FBN2: variants seen among roughly 807,000 people sequenced by gnomAD.
FBN2 encodes fibrillin-2.
In FBN2, 105 loss-of-function variants were observed where a neutral mutation model predicts 355.6. The observed-to-expected ratio is 0.30, with a 90% CI of 0.25 to 0.35. FBN2 has a LOEUF of 0.35. FBN2 is among the 10% of genes least tolerant of loss of function. The pLI is 1.00. For synonymous variants in FBN2, 1,350 were observed against 1,301.2 expected (o/e 1.04, Z -0.81); for missense variants, 3,280 against 3,758.7 (o/e 0.87, Z 3.33).
At chr5:128,291,506 A>T in intron 49 of FBN2, 23 bp downstream of exon 49, 1 of 1,613,444 alleles carries the variant, frequency 6.2e-7, no homozygotes, top group Non-Finnish European at 8.5e-7. Context: ...GAACTGTGAC[A>T]GTGAAGTCAT....
At chr5:128,263,966 C>T (rs1765051078) in intron 62 of FBN2, among the ~76,000 whole-genome samples, 1 of 152,072 alleles carries the variant, frequency 6.6e-6, no homozygotes, top group Admixed American at 6.6e-5. Flanking sequence ...AAGGTTACTT[C>T]AAAAGCTTAT....
intron 14 of FBN2, among the ~76,000 whole-genome samples, chr5:128,376,527 T>C (rs906870810): frequency 6.6e-6 from 1 of 152,244 alleles, no homozygotes; most frequent in Non-Finnish European, 1.5e-5. Flanking sequence ...TATACCATTA[T>C]TATTTTTGTT....
At chr5:128,318,580 A>G (rs1750276517) in intron 35 of FBN2, among the ~76,000 whole-genome samples, 1 of 150,540 alleles carries the variant, frequency 6.6e-6, no homozygotes, top group Non-Finnish European at 1.5e-5. Context: ...ATATACATGT[A>G]TATATATATA....
At chr5:128,323,508 C>T (rs1229677416) in intron 34 of FBN2, among the ~76,000 whole-genome samples, 2 of 152,072 alleles carry the variant, frequency 1.3e-5, no homozygotes, top group Non-Finnish European at 2.9e-5. Flanking sequence ...TTATCAAAGG[C>T]CTAGTTTTAT....
intron 20 of FBN2, among the ~76,000 whole-genome samples, chr5:128,354,589 G>T (rs907179661): frequency 7.2e-5 from 11 of 152,174 alleles, no homozygotes; most frequent in African/African-American, 2.7e-4. Flanking sequence ...AGAAATGATG[G>T]TGACTTGGAT....
chr5:128,340,130 A>C (rs26378), intron 25 of FBN2, among the ~76,000 whole-genome samples: 31,833 of 152,172 alleles, frequency 0.21, 3,420 homozygotes, highest in African/African-American at 0.24. Context: ...AATATGTTTA[A>C]GAAAACATGA....
chr5:128,390,242 T>A (rs890227964), intron 11 of FBN2, among the ~76,000 whole-genome samples: 1 of 152,230 alleles, frequency 6.6e-6, no homozygotes, highest in East Asian at 1.9e-4. Flanking sequence ...TTTTTGTATA[T>A]GACCTACAAG....
chr5:128,376,106 C>T (rs1581249913), intron 14 of FBN2, among the ~76,000 whole-genome samples: 1 of 152,000 alleles, frequency 6.6e-6, no homozygotes, highest in African/African-American at 2.4e-5. Context: ...TGTATTATTC[C>T]ACTTTATTAA....
chr5:128,282,101 A>C (rs1765564947), intron 55 of FBN2, among the ~76,000 whole-genome samples: 1 of 152,274 alleles, frequency 6.6e-6, no homozygotes, highest in African/African-American at 2.4e-5. Context: ...ATTTTCCCTT[A>C]GAATGCTTTC....
chr5:128,427,836 C>T (rs887943826), intron 7 of FBN2, among the ~76,000 whole-genome samples: 3 of 152,114 alleles, frequency 2.0e-5, no homozygotes, highest in African/African-American at 7.2e-5. Flanking sequence ...CAATAAATGC[C>T]TCATTTTCTT....
intron 15 of FBN2, among the ~76,000 whole-genome samples, chr5:128,373,515 A>T (rs181270275): frequency 8.9e-4 from 136 of 152,278 alleles, no homozygotes; most frequent in Non-Finnish European, 1.6e-3. Flanking sequence ...TGATTCTCAT[A>T]GGTAGGAGTA....
At chr5:128,304,480 T>C (rs967967918) in intron 45 of FBN2, among the ~76,000 whole-genome samples, 11 of 152,218 alleles carry the variant, frequency 7.2e-5, no homozygotes, top group African/African-American at 2.2e-4. Context: ...ACACAAAATA[T>C]GTACATAAAT....
At chr5:128,338,540 G>T (rs1412409549) in intron 26 of FBN2, among the ~76,000 whole-genome samples, 1 of 152,136 alleles carries the variant, frequency 6.6e-6, no homozygotes, top group African/African-American at 2.4e-5. Flanking sequence ...TGGGCTAAAA[G>T]GTTGGGAATA....
chr5:128,498,483 T>G (rs1755715029), intron 5 of FBN2, among the ~76,000 whole-genome samples: 1 of 152,192 alleles, frequency 6.6e-6, no homozygotes, highest in African/African-American at 2.4e-5. Context: ...AAAATGGACC[T>G]TGGTATTCCC....
intron 7 of FBN2, among the ~76,000 whole-genome samples, chr5:128,413,864 C>A (rs1315803690): frequency 6.6e-6 from 1 of 152,108 alleles, no homozygotes; most frequent in Non-Finnish European, 1.5e-5. Flanking sequence ...TGTATAATAT[C>A]TTTTTGATAT....
intron 27 of FBN2, 48 bp from the exon 28 acceptor site, chr5:128,336,161 A>C: frequency 1.9e-6 from 3 of 1,599,322 alleles, no homozygotes; most frequent in Non-Finnish European, 2.6e-6. Flanking sequence ...TCCACTCACT[A>C]AAGCCATCAG....
In FBN2 at chr5:128,350,995, C is replaced by CT; in HGVS notation, c.2684dup (p.Thr897AspfsTer12). The CT allele has an allele frequency of 6.2e-7, 1 of 1,614,182 alleles. No individual in the cohort carries two copies. Among genetic ancestry groups the CT allele is most frequent in the Non-Finnish European group, 8.5e-7 (1 of 1,180,020 alleles). Reference sequence around the variant, plus strand: ...CCTGGATGTTGAGCCAACAGGTCCCCTTCAGGCTGTCTGAAAAGGAACAGG... The same window carrying CT: ...CCTGGATGTTGAGCCAACAGGTCCCCTTTCAGGCTGTCTGAAAAGGAACAGG... On this transcript the variant is annotated frameshift_variant, in exon 21 of 65. Transcript: ENST00000262464. LOFTEE classifies it high-confidence loss of function.
chr5:128,504,250 A>G (rs534905093), intron 5 of FBN2, among the ~76,000 whole-genome samples: 13 of 152,276 alleles, frequency 8.5e-5, no homozygotes, highest in African/African-American at 3.1e-4. Context: ...GCAGTGTGGA[A>G]GGGAAATGTG....
Position 128,259,148 on chromosome 5 carries a change from C to A in FBN2, c.*307G>T. The A allele has an allele frequency of 3.7e-6, 1 of 272,042 alleles. No individual in the cohort carries two copies. Among genetic ancestry groups the A allele is most frequent in the Non-Finnish European group, 6.9e-6 (1 of 144,016 alleles). 16.9% of individuals were successfully genotyped at this position (272,042 alleles called of 1,614,324 possible). On this transcript the variant is annotated 3_prime_UTR_variant, in exon 65 of 65. Transcript: ENST00000262464. ...GCTAACAGGAAAAAAAAAAAAAGCTCACATTATTTTTGTGCATTTAGTGCC... is the reference window on the plus strand; with the variant it reads ...GCTAACAGGAAAAAAAAAAAAAGCTAACATTATTTTTGTGCATTTAGTGCC...
Sources: gnomAD v4.1 joint callset for allele counts (sites outside exome capture counted in the v4.1 genomes callset) on GRCh38, gnomAD v4.1.1 for gene constraint, MANE v1.5 for transcripts, NCBI Gene and HGNC (gene_info 2026-07-23, HGNC 2026-07-21) for gene names.